FECH: variants seen among roughly 807,000 people sequenced by gnomAD.
The protein encoded by FECH is ferrochelatase.
A neutral mutation model predicts 56.9 loss-of-function variants in FECH; 40 were observed. The observed-to-expected ratio is 0.70, with a 90% CI of 0.55 to 0.92. The LOEUF is 0.92. Among genes scored for constraint, FECH ranks in the 40% least tolerant of loss-of-function variants. The pLI is 0.00. For synonymous variants in FECH, 175 were observed against 198.6 expected (o/e 0.88, Z 1.00); for missense variants, 431 against 529.1 (o/e 0.81, Z 1.82).
intron 9 of FECH, among the ~76,000 whole-genome samples, chr18:57,552,681 T>C (rs985117476): frequency 6.6e-6 from 1 of 152,178 alleles, no homozygotes; most frequent in East Asian, 1.9e-4. Flanking sequence ...ATTACAGGTG[T>C]GAACCACCAC....
intron 1 of FECH, among the ~76,000 whole-genome samples, chr18:57,581,195 G>A (rs544447976): frequency 6.6e-6 from 1 of 152,306 alleles, no homozygotes; most frequent in African/African-American, 2.4e-5. Flanking sequence ...TGTCAACATA[G>A]GAGGACAGAA....
At chr18:57,573,503 G>C in intron 2 of FECH, 138 bp from the exon 3 acceptor site, 1 of 995,414 alleles carries the variant, frequency 1.0e-6, no homozygotes, top group South Asian at 1.3e-5. Context: ...CCGTCACACA[G>C]ATACCTATTC....
At position 57,546,369 on chromosome 18, in the gene FECH, G is replaced by C. The variant is rs961479393; in HGVS notation, c.*4343C>G. On this transcript the variant is annotated 3_prime_UTR_variant, in exon 11 of 11. Transcript: ENST00000262093. Reference sequence around the variant, plus strand: ...CGCATCGACAGGAGCTCATACGGCAGAGCCCCTAGGAATGCAGGTGCCCCC... The same window carrying C: ...CGCATCGACAGGAGCTCATACGGCACAGCCCCTAGGAATGCAGGTGCCCCC... 6.6e-6 allele frequency among the ~76,000 whole-genome samples: 1 copy of C among 152,168 alleles called. No individual in the cohort carries two copies. Among genetic ancestry groups the C allele is most frequent in the East Asian group, 1.9e-4 (1 of 5,194 alleles).
At chr18:57,562,837 T>A in intron 6 of FECH, 37 bp downstream of exon 6, 1 of 1,526,770 alleles carries the variant, frequency 6.5e-7, no homozygotes, top group African/African-American at 1.4e-5. Context: ...TCACACTAGA[T>A]GCTGGGGTGA....
intron 2 of FECH, among the ~76,000 whole-genome samples, chr18:57,574,700 G>A (rs2051159891): frequency 6.6e-6 from 1 of 152,282 alleles, no homozygotes; most frequent in Non-Finnish European, 1.5e-5. Flanking sequence ...CCTCTGGCAC[G>A]CTGGCAGGAG....
chr18:57,566,441 C>T lies in FECH; in HGVS notation c.598+6G>A. 6.2e-7 allele frequency: 1 copy of T among 1,614,118 alleles called. No individual in the cohort carries two copies. Among genetic ancestry groups the T allele is most frequent in the Non-Finnish European group, 8.5e-7 (1 of 1,180,006 alleles). On this transcript the variant is annotated splice_donor_region_variant and intron_variant, in intron 5 of 10. Transcript: ENST00000262093. ...TACCTTTCCACTGTCAGAGAGATGC[C>T]CTTACCTGTGGTGGAGCAGCTGTAC... is the stretch of plus-strand genomic sequence containing the variant.
At position 57,547,931 on chromosome 18, in the gene FECH, C is replaced by G. The variant is rs1425003347; in HGVS notation, c.*2781G>C. The stretch of plus-strand genomic sequence containing the variant: ...AATTACACATGTAAGGCACGGCACC[C>G]AGCCTCACATTTAAAGGGCTTTTAA... On this transcript the variant is annotated 3_prime_UTR_variant, in exon 11 of 11. Coordinates refer to ENST00000262093, the MANE Select transcript of FECH (RefSeq NM_000140.5). Among the ~76,000 whole-genome samples the G allele has an allele frequency of 6.6e-6, 1 of 152,146 alleles. No homozygotes were observed. Among genetic ancestry groups the G allele is most frequent in the Non-Finnish European group, 1.5e-5 (1 of 68,016 alleles).
intron 7 of FECH, 76 bp from the exon 8 acceptor site, chr18:57,555,028 C>T: frequency 9.0e-7 from 1 of 1,114,266 alleles, no homozygotes; most frequent in Non-Finnish European, 1.4e-6. Context: ...TGTGCTGACA[C>T]AGTGTGAGCC....
Position 57,559,214 on chromosome 18 carries a change from C to T in FECH, c.735G>A (p.Leu245=). 6.2e-7 allele frequency: 1 copy of T among 1,613,514 alleles called. No individual in the cohort carries two copies. Among genetic ancestry groups the T allele is most frequent in the South Asian group, 1.1e-5 (1 of 91,064 alleles). ...TTCTCTTCTCAAGTGGAAAATGGTC[C>T]AGTTCCTTTAGAATATGATCTGCAA... is the stretch of plus-strand genomic sequence containing the variant. ...QCFADHILKE[L]DHFPLEKRSE... Residue 245 remains leucine, a synonymous_variant, in exon 7 of 11, where the codon CTG becomes CTA. Transcript: ENST00000262093.
rs1245302687 is a variant in FECH, at chr18:57,546,959, C to CAAA, written c.*3750_*3752dup. On this transcript the variant is annotated 3_prime_UTR_variant, in exon 11 of 11. Coordinates refer to ENST00000262093, the MANE Select transcript of FECH (RefSeq NM_000140.5). ...TGGGCAACAGAGCGAGACTCCATCT[C>CAAA]AAAAAAAAAAAAAAAAAATTTAAGG... Among the ~76,000 whole-genome samples, 1,507 of 112,918 alleles carry CAAA rather than the reference C, an allele frequency of 0.013. 31 individuals are homozygous for CAAA. Among genetic ancestry groups the CAAA allele is most frequent in the African/African-American group, 0.049 (1,397 of 28,702 alleles). 74.1% of individuals were successfully genotyped at this position (112,918 alleles called of 152,430 possible). A position where few individuals can be genotyped will look rare whatever the true frequency, so the allele number is the denominator to read the frequency against.
chr18:57,584,174 G>A lies in FECH; in HGVS notation c.67+2380C>T, dbSNP rs551654583. 4.2e-4 allele frequency among the ~76,000 whole-genome samples: 16 copies of A among 38,118 alleles called. No homozygotes were observed. In the South Asian group the frequency reaches 0.012, roughly 28 times the overall value. The allele number at this position is 38,118 out of a possible 152,430, so 25.0% of individuals were successfully genotyped here. On this transcript the variant is annotated intron_variant, in intron 1 of 10. Transcript: ENST00000262093. Reference sequence around the variant, plus strand: ...CAGCCTGTCGACAGAGCGAGACTCCGTCTCAAAAAAAAAAAAAAAAGAAAA... The same window carrying A: ...CAGCCTGTCGACAGAGCGAGACTCCATCTCAAAAAAAAAAAAAAAAGAAAA...
In FECH at chr18:57,562,976, G is replaced by A. The variant is rs1415274003; in HGVS notation, c.603C>T (p.Ser201=). ...AGTATCTGTAAATGGCATTTAAGCT[G>A]CTGCCTGAAATATACAGAGACCACT... ...YPQYSCSTTG[S]SLNAIYRYYN... The change falls in exon 6 of 11, where the codon AGC becomes AGT. Residue 201 remains serine, a synonymous_variant. Coordinates refer to ENST00000262093, the MANE Select transcript of FECH (RefSeq NM_000140.5). 6.2e-7 allele frequency: 1 copy of A among 1,613,340 alleles called. No individual in the cohort carries two copies. Among genetic ancestry groups the A allele is most frequent in the African/African-American group, 1.3e-5 (1 of 74,904 alleles).
In FECH at chr18:57,580,127, G is replaced by C. The variant is rs140766962; in HGVS notation, c.140C>G (p.Thr47Arg). 1.6e-4 allele frequency: 254 copies of C among 1,614,174 alleles called. 1 individual carries two copies. The African/African-American group carries it at 3.1e-3, about 20-fold the overall frequency. The change falls in exon 2 of 11, where the codon ACA becomes AGA. Residue 47 changes from threonine to arginine, a missense_variant. Thr to Arg is a moderately conservative substitution (Grantham distance 71). Transcript: ENST00000262093. ...ACCCTGGGCATGCTGGGCTGTTTCT[G>C]TGGTGACGGCCGCTGCAGCTGCACC... ...KSGAAAAAVT[T>R]ETAQHAQGAK... is the part of the protein sequence containing the mutation.
chr18:57,564,742 G>A (rs1468926921), intron 5 of FECH, among the ~76,000 whole-genome samples: 2 of 152,182 alleles, frequency 1.3e-5, no homozygotes, highest in South Asian at 2.1e-4. Flanking sequence ...CCATATTCAC[G>A]TTACAGACCG....
chr18:57,544,784 C>T lies in FECH; in HGVS notation c.*5928G>A, dbSNP rs1466734962. 6.6e-6 allele frequency among the ~76,000 whole-genome samples: 1 copy of T among 152,134 alleles called. No homozygotes were observed. Among genetic ancestry groups the T allele is most frequent in the African/African-American group, 2.4e-5 (1 of 41,422 alleles). On this transcript the variant is annotated 3_prime_UTR_variant, in exon 11 of 11. Coordinates refer to ENST00000262093, the MANE Select transcript of FECH (RefSeq NM_000140.5). ...TGTGTTATTAACGTTTTTCCCATCA[C>T]TTTCTTAAGTCTAAATAATCAACGA... is the stretch of plus-strand genomic sequence containing the variant.
chr18:57,575,781 C>T (rs775995039), intron 2 of FECH, among the ~76,000 whole-genome samples: 10 of 141,454 alleles, frequency 7.1e-5, no homozygotes, highest in Admixed American at 1.4e-4. Flanking sequence ...TTGGCAATAA[C>T]GTAAGGCAGC....
intron 2 of FECH, 157 bp downstream of exon 2, chr18:57,579,916 T>TA (rs1391191126): frequency 1.0e-6 from 1 of 976,486 alleles, no homozygotes; most frequent in Non-Finnish European, 1.6e-6. Flanking sequence ...AAGGAGGGTG[T>TA]AAAATCTATG....
At chr18:57,561,065 T>C (rs2050938003) in intron 6 of FECH, among the ~76,000 whole-genome samples, 1 of 152,134 alleles carries the variant, frequency 6.6e-6, no homozygotes, top group Non-Finnish European at 1.5e-5. Flanking sequence ...GTTTGGAAAC[T>C]AAAGATGCTC....
At chr18:57,572,831 G>A (rs1194186623) in intron 3 of FECH, among the ~76,000 whole-genome samples, 4 of 152,056 alleles carry the variant, frequency 2.6e-5, no homozygotes, top group Non-Finnish European at 5.9e-5. Flanking sequence ...AAAGAAAAAG[G>A]AGAGAAGGAA....
Sources: allele counts gnomAD v4.1 joint callset (sites outside exome capture counted in the v4.1 genomes callset), GRCh38; gene constraint gnomAD v4.1.1; transcripts MANE v1.5; gene names NCBI Gene and HGNC (gene_info 2026-07-23, HGNC 2026-07-21).